Variants in PHF20 observed in about 807,000 individuals in gnomAD.
The protein encoded by PHF20 is glioma-expressed antigen 2.
In PHF20, 23 loss-of-function variants were observed where a neutral mutation model predicts 113.5. That is an observed-to-expected ratio of 0.20 (90% confidence interval 0.15 to 0.29). The LOEUF is 0.29. PHF20 is among the 10% of genes least tolerant of loss of function. The pLI is 1.00. For missense variants in PHF20, 943 were observed against 1,219.6 expected, an observed-to-expected ratio of 0.77 and a Z score of 3.38; for synonymous variants, 434 against 457.3, an observed-to-expected ratio of 0.95 and a Z score of 0.65.
At chr20:35,924,588 T>A (rs2055588601) in intron 13 of PHF20, among the ~76,000 whole-genome samples, 1 of 152,118 alleles carries the variant, frequency 6.6e-6, no homozygotes, top group Non-Finnish European at 1.5e-5. Context: ...ACATTTTATT[T>A]TACTTTATTT....
chr20:35,812,057 G>A (rs907681803), intron 2 of PHF20, among the ~76,000 whole-genome samples: 1 of 152,208 alleles, frequency 6.6e-6, no homozygotes, highest in Non-Finnish European at 1.5e-5. Flanking sequence ...ACAGGCATGA[G>A]CCACAGCGCC....
intron 5 of PHF20, among the ~76,000 whole-genome samples, chr20:35,861,655 A>G (rs987101830): frequency 6.6e-6 from 1 of 152,152 alleles, no homozygotes; most frequent in African/African-American, 2.4e-5. Flanking sequence ...GTTCAAAGGT[A>G]TAACCTTTTT....
At chr20:35,853,051 G>A (rs1375393549) in intron 4 of PHF20, among the ~76,000 whole-genome samples, 7 of 149,982 alleles carry the variant, frequency 4.7e-5, no homozygotes, top group Admixed American at 1.3e-4. Flanking sequence ...GGTGAAACCC[G>A]TCTCTACTAA....
At chr20:35,865,497 GTT>G (rs201623482) in intron 6 of PHF20, among the ~76,000 whole-genome samples, 13 of 96,598 alleles carry the variant, frequency 1.3e-4, no homozygotes, top group East Asian at 3.2e-4. Flanking sequence ...TTTAAGTTGT[GTT>G]TTTTTTTTTT....
At chr20:35,938,141 G>C (rs1360975808) in intron 15 of PHF20, among the ~76,000 whole-genome samples, 2 of 152,058 alleles carry the variant, frequency 1.3e-5, no homozygotes, top group Non-Finnish European at 2.9e-5. Context: ...CAAAGTGCTG[G>C]GATTACAGGT....
intron 6 of PHF20, among the ~76,000 whole-genome samples, chr20:35,868,279 G>A (rs2054353732): frequency 1.3e-5 from 2 of 150,012 alleles, no homozygotes; most frequent in South Asian, 4.2e-4. Context: ...GGCAACGAGA[G>A]CAAAACTCTA....
At chr20:35,912,976 A>T (rs528484634) in intron 10 of PHF20, among the ~76,000 whole-genome samples, 60 of 152,348 alleles carry the variant, frequency 3.9e-4, no homozygotes, top group African/African-American at 1.4e-3. Context: ...CTCACTTTTC[A>T]GCTCTGCTGT....
chr20:35,786,586 C>T (rs1419509983), intron 1 of PHF20, among the ~76,000 whole-genome samples: 3 of 151,990 alleles, frequency 2.0e-5, no homozygotes, highest in Non-Finnish European at 4.4e-5. Flanking sequence ...CCTGTAGTTT[C>T]AACTACTTGG....
chr20:35,940,980 G>A lies in PHF20; in HGVS notation c.2829G>A (p.Leu943=). The A allele has an allele frequency of 6.2e-7, 1 of 1,614,152 alleles. No individual in the cohort carries two copies. ...SSQHQWQFNL[L]THVESLQDEV... is the part of the protein sequence containing the mutation. ...AGCACCAGTGGCAGTTTAACCTGCT[G>A]ACCCATGTGGAATCTCTTCAGGATG... Residue 943 remains leucine (L), a synonymous_variant, in exon 17 of 18, where the codon CTG becomes CTA. Transcript: ENST00000374012.
In PHF20 at chr20:35,919,174, G is replaced by A. The variant is rs145461039; in HGVS notation, c.2004+1512G>A. ...TGGGATTACAGGCATGTGCTACCAC[G>A]CCCGGCTAATTTTTGTATTTTCAGT... is the stretch of plus-strand genomic sequence containing the variant. On this transcript the variant is annotated intron_variant, in intron 13 of 17. Transcript: ENST00000374012. Among the ~76,000 whole-genome samples the A allele has an allele frequency of 5.3e-3, 811 of 151,824 alleles. 10 individuals are homozygous for A. The highest frequency in any genetic ancestry group is 0.019 in the African/African-American group (777 of 41,418).
chr20:35,878,842 A>T (rs1268366668), intron 9 of PHF20: 1 of 505,988 alleles, frequency 2.0e-6, no homozygotes, highest in Non-Finnish European at 3.5e-6. Context: ...ATGGGTTTAG[A>T]TGGTAACACG....
chr20:35,888,211 C>T (rs1353386108), intron 9 of PHF20, among the ~76,000 whole-genome samples: 1 of 152,074 alleles, frequency 6.6e-6, no homozygotes, highest in African/African-American at 2.4e-5. Context: ...CAACTCCCGA[C>T]CTCAGGTGAC....
intron 2 of PHF20, among the ~76,000 whole-genome samples, chr20:35,827,460 G>A (rs555970465): frequency 6.6e-6 from 1 of 152,328 alleles, no homozygotes; most frequent in South Asian, 2.1e-4. Flanking sequence ...GGTGACTGCA[G>A]GAATGTTTAC....
intron 2 of PHF20, among the ~76,000 whole-genome samples, chr20:35,804,229 GTT>G (rs1216930263): frequency 3.0e-5 from 3 of 99,580 alleles, no homozygotes; most frequent in Non-Finnish European, 5.8e-5. Flanking sequence ...GCTACTGTAT[GTT>G]TTTTTTTTTT....
At chr20:35,840,949 A>G (rs1259108175) in intron 2 of PHF20, among the ~76,000 whole-genome samples, 1 of 152,194 alleles carries the variant, frequency 6.6e-6, no homozygotes, top group African/African-American at 2.4e-5. Context: ...ACACTTTTCC[A>G]CAAGTAACCT....
At chr20:35,906,353 A>G (rs1292440603) in intron 10 of PHF20, among the ~76,000 whole-genome samples, 1 of 152,240 alleles carries the variant, frequency 6.6e-6, no homozygotes, top group African/African-American at 2.4e-5. Context: ...CTAAAATCAG[A>G]GAAGTTTATT....
rs540839220 is a variant in PHF20, at chr20:35,775,960, G to A, written c.-33+3881G>A. On this transcript the variant is annotated intron_variant, in intron 1 of 17. Coordinates refer to ENST00000374012, the MANE Select transcript of PHF20 (RefSeq NM_016436.5). The stretch of plus-strand genomic sequence containing the variant: ...TGAGTTTCAGGGACCACTGGCACGT[G>A]CCACCACACCTGGCTAATTTTAAAT... Among the ~76,000 whole-genome samples the A allele has an allele frequency of 4.6e-5, 7 of 152,052 alleles. No individual in the cohort carries two copies. In the South Asian group the frequency reaches 1.5e-3, roughly 32 times the overall value.
intron 2 of PHF20, among the ~76,000 whole-genome samples, chr20:35,817,105 G>A (rs1039022209): frequency 6.8e-6 from 1 of 147,168 alleles, no homozygotes; most frequent in East Asian, 2.0e-4. Context: ...TGTTGTTGTT[G>A]TTTTTTTTTA....
chr20:35,913,335 A>AAAAAGG lies in PHF20; in HGVS notation c.1651_1652insAGGAAA (p.Lys550_Thr551insLysGlu). 1 of 1,600,020 alleles carries AAAAAGG rather than the reference A, an allele frequency of 6.2e-7. No homozygotes were observed. Among genetic ancestry groups the AAAAAGG allele is most frequent in the East Asian group, 2.2e-5 (1 of 44,810 alleles). On this transcript the variant is annotated inframe_insertion, in exon 11 of 18. Transcript: ENST00000374012. ...AAAGAAGAAAAAGAAAAAGAAAAAGAAAACCAAACCTGGTAATTTTTTTTC... is the reference window on the plus strand; with the variant it reads ...AAAGAAGAAAAAGAAAAAGAAAAAGAAAAAGGAAACCAAACCTGGTAATTTTTTTTC...
Sources: gnomAD v4.1 joint callset for allele counts (sites outside exome capture counted in the v4.1 genomes callset) on GRCh38, gnomAD v4.1.1 for gene constraint, MANE v1.5 for transcripts, NCBI Gene and HGNC (gene_info 2026-07-23, HGNC 2026-07-21) for gene names.